The following FREM2 variants were observed in gnomAD, a reference collection of about 807,000 sequenced individuals.
FREM2 encodes the protein FRAS1 related extracellular matrix 2.
Under a neutral mutation model 219.9 loss-of-function variants are expected in FREM2, and 119 were observed. That is an observed-to-expected ratio of 0.54 (90% CI 0.47 to 0.63). The LOEUF is 0.63. Ranked by LOEUF, FREM2 falls within the 30% of genes least tolerant of loss-of-function variation. FREM2 has a pLI of 0.00. For synonymous variants in FREM2, 1,562 were observed against 1,522.8 expected, an observed-to-expected ratio of 1.03 and a Z score of -0.60; for missense variants, 4,030 against 3,993.6, an observed-to-expected ratio of 1.01 and a Z score of -0.25.
At chr13:38,707,690 C>T (rs916290615) in intron 2 of FREM2, among the ~76,000 whole-genome samples, 5 of 152,202 alleles carry the variant, frequency 3.3e-5, no homozygotes, top group African/African-American at 9.6e-5. Flanking sequence ...TCAAGAGTGC[C>T]ACTTCAGAAA....
intron 3 of FREM2, among the ~76,000 whole-genome samples, chr13:38,769,288 A>T (rs1873559905): frequency 6.6e-6 from 1 of 152,230 alleles, no homozygotes; most frequent in Admixed American, 6.5e-5. Context: ...AACAATGTGA[A>T]TATACATTTA....
intron 6 of FREM2, among the ~76,000 whole-genome samples, chr13:38,830,054 G>T (rs1876445874): frequency 6.6e-6 from 1 of 152,174 alleles, no homozygotes; most frequent in Non-Finnish European, 1.5e-5. Context: ...ACAAAATATG[G>T]TTGGGAATTT....
At chr13:38,810,684 A>G (rs1875442145) in intron 6 of FREM2, among the ~76,000 whole-genome samples, 3 of 152,104 alleles carry the variant, frequency 2.0e-5, no homozygotes, top group Admixed American at 2.0e-4. Flanking sequence ...GTCATGATGA[A>G]TAATATTTCA....
chr13:38,852,668 C>T (rs1877413424), intron 11 of FREM2, among the ~76,000 whole-genome samples: 1 of 151,260 alleles, frequency 6.6e-6, no homozygotes, highest in Non-Finnish European at 1.5e-5. Flanking sequence ...TGTCTTTCAT[C>T]CCTCTCCTTT....
intron 6 of FREM2, among the ~76,000 whole-genome samples, chr13:38,837,845 A>G (rs1876783606): frequency 2.7e-5 from 4 of 149,274 alleles, no homozygotes; most frequent in South Asian, 2.2e-4. Context: ...TTTTGAGCCT[A>G]CGTGTGTCTC....
chr13:38,861,352 G>A, intron 14 of FREM2, 79 bp from the exon 15 acceptor site: 1 of 1,424,888 alleles, frequency 7.0e-7, no homozygotes, highest in African/African-American at 1.4e-5. Context: ...AAAAATAATA[G>A]CTCCTATTTT....
At chr13:38,813,020 A>G (rs1246130526) in intron 6 of FREM2, among the ~76,000 whole-genome samples, 2 of 150,636 alleles carry the variant, frequency 1.3e-5, no homozygotes, top group Non-Finnish European at 1.5e-5. Flanking sequence ...TGTAGTGTCT[A>G]TGTTTTTAAA....
intron 2 of FREM2, among the ~76,000 whole-genome samples, chr13:38,742,020 AT>A (rs1212003063): frequency 1.3e-5 from 2 of 152,202 alleles, no homozygotes; most frequent in East Asian, 3.9e-4. Flanking sequence ...GTTTTGAGTT[AT>A]TGAACTAAAA....
intron 6 of FREM2, among the ~76,000 whole-genome samples, chr13:38,796,315 G>A (rs1335885325): frequency 6.6e-6 from 1 of 152,112 alleles, no homozygotes; most frequent in Non-Finnish European, 1.5e-5. Context: ...CATGTCACTT[G>A]CTTTACAGTC....
intron 2 of FREM2, among the ~76,000 whole-genome samples, chr13:38,710,188 G>A (rs899587148): frequency 5.3e-5 from 8 of 151,792 alleles, no homozygotes; most frequent in Admixed American, 2.0e-4. Context: ...ACTCTGTCAC[G>A]AAACAACAAC....
chr13:38,802,321 G>A lies in FREM2; in HGVS notation c.6019+17513G>A, dbSNP rs546648102. 5.6e-4 allele frequency among the ~76,000 whole-genome samples: 85 copies of A among 152,266 alleles called. No homozygotes were observed. In the South Asian group the frequency reaches 0.017, roughly 30 times the overall value. On this transcript the variant is annotated intron_variant, in intron 6 of 23. Transcript: ENST00000280481. ...GGTTTCCTTTCTCCTCAGTCCCACA[G>A]CAGCCGGCAACAGTGACAATTACCT...
intron 2 of FREM2, among the ~76,000 whole-genome samples, chr13:38,709,005 C>T (rs1593356774): frequency 6.6e-6 from 1 of 152,174 alleles, no homozygotes; most frequent in Admixed American, 6.5e-5. Context: ...GGTGATCCAC[C>T]TGCGTTTGCC....
intron 4 of FREM2, among the ~76,000 whole-genome samples, chr13:38,780,603 T>C (rs1187554679): frequency 6.6e-6 from 1 of 152,228 alleles, no homozygotes; most frequent in Non-Finnish European, 1.5e-5. Flanking sequence ...TGATTTCATA[T>C]TGAGAGATTG....
At position 38,886,172 on chromosome 13, in the gene FREM2, G is replaced by A. The variant is rs1487206636; in HGVS notation, c.*5385G>A. On this transcript the variant is annotated 3_prime_UTR_variant, in exon 24 of 24. Coordinates refer to ENST00000280481, the MANE Select transcript of FREM2 (RefSeq NM_207361.6). ...TAAAAGCTAGCATTAAAAGTAAAGA[G>A]CAGTACAATAAAAATCACTTAAAAT... is the stretch of plus-strand genomic sequence containing the variant. 2.6e-5 allele frequency: 4 copies of A among 152,082 alleles called. No homozygotes were observed. In the South Asian group the frequency reaches 8.3e-4, roughly 31 times the overall value. The allele number at this position is 152,082 out of a possible 1,614,324, so 9.4% of individuals were successfully genotyped here.
At chr13:38,817,338 C>T (rs545947547) in intron 6 of FREM2, among the ~76,000 whole-genome samples, 2 of 152,138 alleles carry the variant, frequency 1.3e-5, no homozygotes, top group Admixed American at 1.3e-4. Flanking sequence ...AAGTACAGAA[C>T]AACATGGTGC....
chr13:38,854,463 A>G (rs1400485121), intron 11 of FREM2, among the ~76,000 whole-genome samples: 2 of 152,212 alleles, frequency 1.3e-5, no homozygotes, highest in Non-Finnish European at 2.9e-5. Flanking sequence ...AGGCTGTATT[A>G]TCACAGCCTA....
chr13:38,868,921 C>T (rs937407807), intron 16 of FREM2, among the ~76,000 whole-genome samples: 3 of 152,172 alleles, frequency 2.0e-5, no homozygotes, highest in African/African-American at 7.2e-5. Flanking sequence ...TCAGAGGCTT[C>T]GTGGTTTTAT....
chr13:38,863,341 C>T (rs1027834766), intron 15 of FREM2, among the ~76,000 whole-genome samples: 3 of 152,096 alleles, frequency 2.0e-5, no homozygotes, highest in Non-Finnish European at 2.9e-5. Flanking sequence ...TGAGCCACCA[C>T]GCATGGCCAG....
intron 6 of FREM2, among the ~76,000 whole-genome samples, chr13:38,797,228 G>T (rs957875158): frequency 5.9e-5 from 9 of 151,696 alleles, no homozygotes; most frequent in African/African-American, 2.2e-4. Flanking sequence ...CACCAAGAGG[G>T]TGTGAGTTCT....
Sources: gnomAD v4.1 joint callset for allele counts (sites outside exome capture counted in the v4.1 genomes callset) on GRCh38, gnomAD v4.1.1 for gene constraint, MANE v1.5 for transcripts, NCBI Gene and HGNC (gene_info 2026-07-23, HGNC 2026-07-21) for gene names.